STX11: variants seen among roughly 807,000 people sequenced by gnomAD.
STX11 encodes syntaxin-11.
In STX11, 21 loss-of-function variants were observed where a neutral mutation model predicts 19.9. The ratio of observed to expected loss-of-function variants is 1.06; its 90% CI spans 0.75 to 1.52. The LOEUF is 1.52. Ranked by LOEUF, STX11 falls within the 40% of genes most tolerant of loss-of-function variation. The pLI is 0.00. For synonymous variants in STX11, 193 were observed against 174.4 expected, an observed-to-expected ratio of 1.11 and a Z score of -0.84; for missense variants, 438 against 405.9, an observed-to-expected ratio of 1.08 and a Z score of -0.68.
chr6:144,147,996 A>C (rs911107045), upstream of STX11, among the ~76,000 whole-genome samples: 1 of 152,116 alleles, frequency 6.6e-6, no homozygotes, highest in African/African-American at 2.4e-5. The surrounding 1 kb of genome is among the most constrained non-coding windows in gnomAD (Gnocchi z 4.2). Flanking sequence ...TGGTCCAATA[A>C]ATTTGACACA....
In STX11 at chr6:144,159,661, G is replaced by A. The variant is rs1801283593; in HGVS notation, c.-6+8958G>A. On this transcript the variant is annotated intron_variant, in intron 1 of 1. Transcript: ENST00000367568. This position sits in a 1 kb window ranked among gnomAD's most constrained non-coding sequence, Gnocchi z 4.3. ...CTCATTCAATGCACCATTACTAGAA[G>A]TTACTTTGTTAATATTTTAATATGT... 6.6e-6 allele frequency among the ~76,000 whole-genome samples: 1 copy of A among 152,154 alleles called. No homozygotes were observed. Among genetic ancestry groups the A allele is most frequent in the South Asian group, 2.1e-4 (1 of 4,828 alleles).
At position 144,187,076 on chromosome 6, in the gene STX11, A is replaced by G. The variant is rs1802066912; in HGVS notation, c.449A>G (p.Glu150Gly). The change falls in exon 2 of 2, where the codon GAG (glutamate) becomes GGG (glycine). Residue 150 changes from glutamate (E) to glycine (G), a missense_variant. Transcript: ENST00000367568. This position sits in a 1 kb window ranked among gnomAD's most constrained non-coding sequence, Gnocchi z 5.6. ...GCCATGCACGACTACAACCAGGCCG[A>G]GATGAAGCAGCGCGACAACTGCAAG... ...QRAMHDYNQA[E>G]MKQRDNCKIR... 3 of 1,613,564 alleles carry G rather than the reference A, an allele frequency of 1.9e-6. No individual in the cohort carries two copies. The highest frequency in any genetic ancestry group is 2.7e-5 in the African/African-American group (2 of 75,054).
upstream of STX11, among the ~76,000 whole-genome samples, chr6:144,146,286 T>C (rs912791572): frequency 6.6e-6 from 1 of 152,172 alleles, no homozygotes; most frequent in African/African-American, 2.4e-5. The surrounding 1 kb of genome is among the most constrained non-coding windows in gnomAD (Gnocchi z 4.4). Flanking sequence ...TTATCTGAGC[T>C]TCACCCTAAG....
rs767331572 is a variant in STX11, at chr6:144,187,023, C to A, written c.396C>A (p.Tyr132Ter). The part of the protein sequence containing the change: ...SAVARISRAQ[Y>*]NALTLTFQRA... ...TGGCGCGCATTTCGCGGGCGCAGTA[C>A]AACGCGCTCACCCTCACCTTCCAGC... is the stretch of plus-strand genomic sequence containing the variant. The change falls in exon 2 of 2, where the codon TAC (tyrosine) becomes TAA (stop). Residue 132 changes from tyrosine (Y) to a stop codon, truncating the protein, a stop_gained. Transcript: ENST00000367568. LOFTEE classifies it high-confidence loss of function. This position sits in a 1 kb window ranked among gnomAD's most constrained non-coding sequence, Gnocchi z 5.6. The A allele has an allele frequency of 1.2e-6, 2 of 1,611,944 alleles. No homozygotes were observed. The highest frequency in any genetic ancestry group is 1.7e-6 in the Non-Finnish European group (2 of 1,179,870).
intron 1 of STX11, among the ~76,000 whole-genome samples, chr6:144,168,751 T>G (rs1320068353): frequency 6.6e-6 from 1 of 152,222 alleles, no homozygotes; most frequent in Non-Finnish European, 1.5e-5. Flanking sequence ...CATGCTAAAC[T>G]CCTTTTGAAA....
chr6:144,178,502 T>G (rs981839444), intron 1 of STX11, among the ~76,000 whole-genome samples: 3 of 152,224 alleles, frequency 2.0e-5, no homozygotes, highest in Middle Eastern at 3.2e-3. Flanking sequence ...TTATCAACTG[T>G]GCATATCAAA....
rs1801292544 is a variant in STX11 at position 144,160,004 on chromosome 6, T to C, written c.-6+9301T>C. 6.6e-6 allele frequency among the ~76,000 whole-genome samples: 1 copy of C among 152,134 alleles called. No homozygotes were observed. Among genetic ancestry groups the C allele is most frequent in the Non-Finnish European group, 1.5e-5 (1 of 68,010 alleles). On this transcript the variant is annotated intron_variant, in intron 1 of 1. Transcript: ENST00000367568. The surrounding 1 kb of genome is among the most constrained non-coding windows in gnomAD (Gnocchi z 4.3). Reference sequence around the variant, plus strand: ...TTCTCCTTTTCTGGCCAGTTCTTGTTTTTTAAAAAAATATTATGATTTTTG... The same window carrying C: ...TTCTCCTTTTCTGGCCAGTTCTTGTCTTTTAAAAAAATATTATGATTTTTG...
At position 144,154,626 on chromosome 6, in the gene STX11, A is replaced by G. The variant is rs1406012995; in HGVS notation, c.-6+3923A>G. Among the ~76,000 whole-genome samples, 1 of 152,230 alleles carries G rather than the reference A, an allele frequency of 6.6e-6. No individual in the cohort carries two copies. Among genetic ancestry groups the G allele is most frequent in the Non-Finnish European group, 1.5e-5 (1 of 68,032 alleles). ...CAAGGGAGGCATTAATCTACAGAGC[A>G]GGGTCAAATGGTGGAAGAACCACTA... is the stretch of plus-strand genomic sequence containing the variant. On this transcript the variant is annotated intron_variant, in intron 1 of 1. Transcript: ENST00000367568. The surrounding 1 kb of genome is among the most constrained non-coding windows in gnomAD (Gnocchi z 4.7).
chr6:144,181,316 C>A (rs1801905901), intron 1 of STX11, among the ~76,000 whole-genome samples: 1 of 151,914 alleles, frequency 6.6e-6, no homozygotes, highest in South Asian at 2.1e-4. Flanking sequence ...TGACATGGGC[C>A]AGGTGCAGTG....
At position 144,187,537 on chromosome 6, in the gene STX11, G is replaced by A; in HGVS notation, c.*46G>A. Reference sequence around the variant, plus strand: ...CCGCCCATCCCAGACCATGGAGCGCGCTGGGAAGGACGCACCAAAGCCGGG... The same window carrying A: ...CCGCCCATCCCAGACCATGGAGCGCACTGGGAAGGACGCACCAAAGCCGGG... On this transcript the variant is annotated 3_prime_UTR_variant, in exon 2 of 2. Coordinates refer to ENST00000367568, the MANE Select transcript of STX11 (RefSeq NM_003764.4). The surrounding 1 kb of genome is among the most constrained non-coding windows in gnomAD (Gnocchi z 5.6). 2 of 1,610,588 alleles carry A rather than the reference G, an allele frequency of 1.2e-6. No homozygotes were observed. The highest frequency in any genetic ancestry group is 1.7e-6 in the Non-Finnish European group (2 of 1,179,420).
In STX11 at chr6:144,175,064, T is replaced by G. The variant is rs1480281715; in HGVS notation, c.-5-11559T>G. 1.3e-5 allele frequency among the ~76,000 whole-genome samples: 2 copies of G among 151,974 alleles called. No homozygotes were observed. Among genetic ancestry groups the G allele is most frequent in the Non-Finnish European group, 2.9e-5 (2 of 67,994 alleles). ...AAGAGTTCGAGACCAACCTGGCCAA[T>G]GTAATGAAACCCTGTCTCTACTAAC... On this transcript the variant is annotated intron_variant, in intron 1 of 1. Coordinates refer to ENST00000367568, the MANE Select transcript of STX11 (RefSeq NM_003764.4). The surrounding 1 kb of genome is among the most constrained non-coding windows in gnomAD (Gnocchi z 5.1).
intron 1 of STX11, among the ~76,000 whole-genome samples, chr6:144,164,308 A>G (rs1478220022): frequency 6.6e-6 from 1 of 152,236 alleles, no homozygotes; most frequent in Non-Finnish European, 1.5e-5. Flanking sequence ...ATTTTAGCTA[A>G]TAGAATTGAG....
At position 144,152,430 on chromosome 6, in the gene STX11, C is replaced by G. The variant is rs1425906937; in HGVS notation, c.-6+1727C>G. Among the ~76,000 whole-genome samples, 2 of 152,084 alleles carry G rather than the reference C, an allele frequency of 1.3e-5. No homozygotes were observed. Among genetic ancestry groups the G allele is most frequent in the Non-Finnish European group, 2.9e-5 (2 of 68,036 alleles). Reference sequence around the variant, plus strand: ...GTCATTTACTTGTCTTTGTAGGCAGCCTATTCTTCATTTGATACATGATTT... The same window carrying G: ...GTCATTTACTTGTCTTTGTAGGCAGGCTATTCTTCATTTGATACATGATTT... On this transcript the variant is annotated intron_variant, in intron 1 of 1. Coordinates refer to ENST00000367568, the MANE Select transcript of STX11 (RefSeq NM_003764.4). The surrounding 1 kb of genome is among the most constrained non-coding windows in gnomAD (Gnocchi z 4.9).
chr6:144,151,389 G>T lies in STX11; in HGVS notation c.-6+686G>T. The T allele has an allele frequency of 1.0e-6, 1 of 985,432 alleles. No homozygotes were observed. The highest frequency in any genetic ancestry group is 1.2e-6 in the Non-Finnish European group (1 of 829,924). 61.0% of individuals were successfully genotyped at this position (985,432 alleles called of 1,614,324 possible). ...TTTCAGCCGTTTCTCAGCAGAGGGA[G>T]GAGCTGTTATTTACAGGTATCCAAA... On this transcript the variant is annotated intron_variant, in intron 1 of 1. Transcript: ENST00000367568. The surrounding 1 kb of genome is among the most constrained non-coding windows in gnomAD (Gnocchi z 4.6).
chr6:144,144,524 G>C, the STX11 span, among the ~76,000 whole-genome samples: 1 of 152,154 alleles, frequency 6.6e-6, no homozygotes, highest in African/African-American at 2.4e-5. Flanking sequence ...AGAAAGTGCT[G>C]TCCAATATAG....
At chr6:144,171,549 A>T (rs1446881144) in intron 1 of STX11, among the ~76,000 whole-genome samples, 4 of 152,160 alleles carry the variant, frequency 2.6e-5, no homozygotes, top group Non-Finnish European at 5.9e-5. Context: ...AAGTTCTCAA[A>T]ACCTCTTATC....
Position 144,160,455 on chromosome 6 carries a change from A to T in STX11, c.-6+9752A>T, listed in dbSNP as rs571845007. 6.6e-6 allele frequency among the ~76,000 whole-genome samples: 1 copy of T among 152,338 alleles called. No homozygotes were observed. Among genetic ancestry groups the T allele is most frequent in the Admixed American group, 6.5e-5 (1 of 15,306 alleles). ...ATTTATTATATTCAATAGATAAAGGACCTTAAGTTTAATATATAAGTTAAC... is the reference window on the plus strand; with the variant it reads ...ATTTATTATATTCAATAGATAAAGGTCCTTAAGTTTAATATATAAGTTAAC... On this transcript the variant is annotated intron_variant, in intron 1 of 1. Coordinates refer to ENST00000367568, the MANE Select transcript of STX11 (RefSeq NM_003764.4). The surrounding 1 kb of genome is among the most constrained non-coding windows in gnomAD (Gnocchi z 4.3).
Position 144,159,516 on chromosome 6 carries a change from CTG to C in STX11, c.-6+8833_-6+8834del, listed in dbSNP as rs10532315. Among the ~76,000 whole-genome samples, 119,053 of 150,812 alleles carry C rather than the reference CTG, an allele frequency of 0.79. 47,114 individuals are homozygous for C. Among genetic ancestry groups the C allele is most frequent in the South Asian group, 0.92 (4,391 of 4,760 alleles). The stretch of plus-strand genomic sequence containing the variant: ...TGGTTGAGCTAGTTCAAAATTGACT[CTG>C]TGTGTGTGTGTGTGTGTGTCCGTCC... On this transcript the variant is annotated intron_variant, in intron 1 of 1. Transcript: ENST00000367568. The surrounding 1 kb of genome is among the most constrained non-coding windows in gnomAD (Gnocchi z 4.3).
At chr6:144,168,035 C>A (rs1042596782) in intron 1 of STX11, among the ~76,000 whole-genome samples, 7 of 152,214 alleles carry the variant, frequency 4.6e-5, no homozygotes, top group Admixed American at 2.6e-4. Context: ...AGTAGCATCA[C>A]CAAATACCTA....
Sources: allele counts gnomAD v4.1 joint callset (sites outside exome capture counted in the v4.1 genomes callset), GRCh38; gene constraint gnomAD v4.1.1; non-coding constraint Gnocchi (gnomAD v3.1); transcripts MANE v1.5; gene names NCBI Gene and HGNC (gene_info 2026-07-23, HGNC 2026-07-21).